The following TENM3 variants were observed in gnomAD, a reference collection of about 807,000 sequenced individuals.
TENM3 encodes teneurin transmembrane protein 3, also known as teneurin-3.
In TENM3, 63 loss-of-function variants were observed where a neutral mutation model predicts 255.1. That is an observed-to-expected ratio of 0.25 (90% CI 0.20 to 0.30). The LOEUF (loss-of-function observed/expected upper bound fraction) is 0.30. Among genes scored for constraint, TENM3 ranks in the 10% least tolerant of loss-of-function variants. The pLI, the probability that TENM3 is intolerant of heterozygous loss-of-function variation, is 1.00. For missense variants in TENM3, 2,929 were observed against 3,461.1 expected, an observed-to-expected ratio of 0.85 and a Z score of 3.86; for synonymous variants, 1,306 against 1,322.3, an observed-to-expected ratio of 0.99 and a Z score of 0.27.
chr4:182,171,042 G>T (rs1351277528), intron 1 of TENM3, among the ~76,000 whole-genome samples: 3 of 152,022 alleles, frequency 2.0e-5, no homozygotes, highest in Non-Finnish European at 4.4e-5. Flanking sequence ...AAAAATCAAA[G>T]AAATTTTATT....
chr4:181,979,780 C>T, the TENM3 span, among the ~76,000 whole-genome samples: 5 of 152,208 alleles, frequency 3.3e-5, no homozygotes, highest in Admixed American at 2.6e-4. Flanking sequence ...ACTTGCTCAA[C>T]GTCATACAGC....
intron 2 of TENM3, among the ~76,000 whole-genome samples, chr4:182,329,842 AAG>A (rs1259168849): frequency 2.6e-5 from 4 of 152,200 alleles, no homozygotes; most frequent in Admixed American, 1.3e-4. Flanking sequence ...CAAAACAGAA[AAG>A]AGAATTTCAG....
At chr4:182,689,336 C>T (rs1354353031) in intron 12 of TENM3, among the ~76,000 whole-genome samples, 3 of 152,164 alleles carry the variant, frequency 2.0e-5, no homozygotes, top group East Asian at 1.9e-4. Flanking sequence ...TTATGTACTT[C>T]GCTTTTTTGC....
chr4:182,305,222 AC>A (rs200958209), intron 1 of TENM3, among the ~76,000 whole-genome samples: 11 of 152,052 alleles, frequency 7.2e-5, no homozygotes, highest in East Asian at 3.9e-4. Flanking sequence ...TAAAAAAAAA[AC>A]CACAAAAACA....
chr4:182,047,456 G>A, the TENM3 span, among the ~76,000 whole-genome samples: 4 of 150,788 alleles, frequency 2.7e-5, no homozygotes, highest in African/African-American at 9.7e-5. Flanking sequence ...CAGCTACTCA[G>A]GAGGCTGAGG....
chr4:181,662,845 A>C, the TENM3 span, among the ~76,000 whole-genome samples: 1,577 of 152,262 alleles, frequency 0.01, 28 homozygotes, highest in African/African-American at 0.036. Flanking sequence ...CCTATTTTTT[A>C]TTAACACAGA....
chr4:182,367,199 C>A (rs1368932132), intron 3 of TENM3, among the ~76,000 whole-genome samples: 1 of 152,088 alleles, frequency 6.6e-6, no homozygotes, highest in African/African-American at 2.4e-5. Context: ...GACAGCAGTA[C>A]GTACTTATAG....
At chr4:181,972,022 GTT>G in the TENM3 span, among the ~76,000 whole-genome samples, 2,143 of 148,950 alleles carry the variant, frequency 0.014, 57 homozygotes, top group African/African-American at 0.05. Flanking sequence ...AACTGCATCA[GTT>G]TTTTTTTTTT....
rs149387627 is a variant in TENM3 at position 182,553,808 on chromosome 4, G to A, written c.512-47116G>A. ...AAATGGAGAGTTAGAGTCCATCTGCGTTGTGATTTAACTTTTCAAAGCCTC... is the reference window on the plus strand; with the variant it reads ...AAATGGAGAGTTAGAGTCCATCTGCATTGTGATTTAACTTTTCAAAGCCTC... On this transcript the variant is annotated intron_variant, in intron 3 of 27. Transcript: ENST00000511685. Among the ~76,000 whole-genome samples the A allele has an allele frequency of 1.8e-3, 271 of 152,244 alleles. 3 individuals carry two copies. The highest frequency in any genetic ancestry group is 2.6e-3 in the Non-Finnish European group (178 of 68,002).
the TENM3 span, among the ~76,000 whole-genome samples, chr4:182,098,955 C>CTTCTTTT: frequency 7.5e-6 from 1 of 133,830 alleles, no homozygotes; most frequent in African/African-American, 2.9e-5. Context: ...GTGCACAACT[C>CTTCTTTT]TTTTTTTCTT....
the TENM3 span, among the ~76,000 whole-genome samples, chr4:181,869,407 A>T: frequency 6.6e-6 from 1 of 152,190 alleles, no homozygotes; most frequent in African/African-American, 2.4e-5. Context: ...AGTTTTGTTT[A>T]AATCTATCTA....
the TENM3 span, among the ~76,000 whole-genome samples, chr4:182,014,172 A>G: frequency 0.76 from 109,272 of 143,960 alleles, 41,665 homozygotes; most frequent in Middle Eastern, 0.81. Context: ...ATATATATAC[A>G]TATATATATG....
At chr4:181,985,935 T>G in the TENM3 span, among the ~76,000 whole-genome samples, 6 of 152,048 alleles carry the variant, frequency 3.9e-5, no homozygotes, top group African/African-American at 1.4e-4. Context: ...CCCTCTTTCA[T>G]ACATTTTTAT....
chr4:182,013,980 G>A, the TENM3 span, among the ~76,000 whole-genome samples: 3 of 107,106 alleles, frequency 2.8e-5, no homozygotes, highest in Admixed American at 2.0e-4. Flanking sequence ...ATATATACGT[G>A]TATATACGTA....
At chr4:182,128,789 G>A in the TENM3 span, among the ~76,000 whole-genome samples, 1 of 152,050 alleles carries the variant, frequency 6.6e-6, no homozygotes, top group African/African-American at 2.4e-5. Context: ...TTCATCACTG[G>A]CACTGTATTA....
intron 2 of TENM3, among the ~76,000 whole-genome samples, chr4:182,345,246 G>A (rs1027999749): frequency 3.3e-5 from 5 of 152,196 alleles, no homozygotes; most frequent in African/African-American, 1.2e-4. Flanking sequence ...CCTGGAGGGT[G>A]CTAATATCTT....
At chr4:182,216,659 G>C (rs924707768) in intron 1 of TENM3, among the ~76,000 whole-genome samples, 3 of 152,186 alleles carry the variant, frequency 2.0e-5, no homozygotes, top group Admixed American at 6.5e-5. Flanking sequence ...TTGTATTTTA[G>C]ACATTATTTA....
At chr4:181,731,353 T>C in the TENM3 span, among the ~76,000 whole-genome samples, 2 of 152,170 alleles carry the variant, frequency 1.3e-5, no homozygotes, top group African/African-American at 4.8e-5. Flanking sequence ...AACAAGTTTT[T>C]CTTTTGTTTT....
intron 3 of TENM3, among the ~76,000 whole-genome samples, chr4:182,567,460 C>A (rs1393385291): frequency 6.6e-6 from 1 of 152,138 alleles, no homozygotes; most frequent in Non-Finnish European, 1.5e-5. Flanking sequence ...AGTAGCTCCC[C>A]ATCTCTCAGA....
Sources: gnomAD v4.1 joint callset for allele counts (sites outside exome capture counted in the v4.1 genomes callset) on GRCh38, gnomAD v4.1.1 for gene constraint, MANE v1.5 for transcripts, NCBI Gene and HGNC (gene_info 2026-07-23, HGNC 2026-07-21) for gene names.